Variants in MDGA2 observed in about 807,000 individuals in gnomAD.
The protein encoded by MDGA2 is MAM domain containing glycosylphosphatidylinositol anchor 2.
In MDGA2, 40 loss-of-function variants were observed where a neutral mutation model predicts 117.8. That is an observed-to-expected ratio of 0.34 (90% confidence interval 0.26 to 0.44). The LOEUF (loss-of-function observed/expected upper bound fraction) is 0.44, where lower values mean the gene tolerates loss of function less well. Among genes scored for constraint, MDGA2 ranks in the 20% least tolerant of loss-of-function variants. The probability of loss-of-function intolerance (pLI) is 1.00; values close to 1 mark genes in which losing one functional copy is unlikely to be tolerated. For missense variants in MDGA2, 1,123 were observed against 1,250.6 expected (o/e 0.90, Z 1.54); for synonymous variants, 452 against 439.0 (o/e 1.03, Z -0.37).
At chr14:47,491,617 G>A (rs894266892) in intron 1 of MDGA2, among the ~76,000 whole-genome samples, 4 of 152,062 alleles carry the variant, frequency 2.6e-5, no homozygotes, top group African/African-American at 9.7e-5. Context: ...AGGTGTAGTT[G>A]TTTTGTTTTT....
intron 1 of MDGA2, among the ~76,000 whole-genome samples, chr14:47,548,350 CT>C (rs1420859043): frequency 2.0e-5 from 3 of 152,006 alleles, no homozygotes; most frequent in South Asian, 2.1e-4. Context: ...TTTCTTGCGA[CT>C]TTTTTTCTTT....
intron 9 of MDGA2, among the ~76,000 whole-genome samples, chr14:46,933,080 AG>A (rs1445336878): frequency 6.6e-6 from 1 of 152,084 alleles, no homozygotes; most frequent in Non-Finnish European, 1.5e-5. Context: ...CAGTACTTGT[AG>A]GTGAAAACAT....
chr14:47,631,119 G>A (rs944558125), intron 1 of MDGA2, among the ~76,000 whole-genome samples: 7 of 152,168 alleles, frequency 4.6e-5, no homozygotes, highest in African/African-American at 1.7e-4. Flanking sequence ...GTAATTCCTA[G>A]ATGCTACCTC....
intron 8 of MDGA2, among the ~76,000 whole-genome samples, chr14:46,983,795 G>C (rs1019886413): frequency 1.3e-5 from 2 of 151,970 alleles, no homozygotes; most frequent in East Asian, 1.9e-4. Flanking sequence ...AAACAGATGG[G>C]AGACAGTGAG....
chr14:47,572,545 C>G (rs971290493), intron 1 of MDGA2, among the ~76,000 whole-genome samples: 1 of 152,100 alleles, frequency 6.6e-6, no homozygotes, highest in Non-Finnish European at 1.5e-5. Flanking sequence ...GTGGTATCCC[C>G]TAGGTCAATA....
intron 1 of MDGA2, among the ~76,000 whole-genome samples, chr14:47,578,778 A>G (rs959596809): frequency 1.3e-5 from 2 of 152,166 alleles, no homozygotes; most frequent in African/African-American, 4.8e-5. Context: ...CATGATCTTC[A>G]TAACTATCAT....
rs567839488 is a variant in MDGA2, at chr14:47,324,059, C to T, written c.281-22509G>A. On this transcript the variant is annotated intron_variant, in intron 1 of 16. Coordinates refer to ENST00000399232, the MANE Select transcript of MDGA2 (RefSeq NM_001113498.3). Reference sequence around the variant, plus strand: ...AGGAGACTGAGACCATCCTGGCTAACACAGTGAAACCCTGTCTCCACTAAA... The same window carrying T: ...AGGAGACTGAGACCATCCTGGCTAATACAGTGAAACCCTGTCTCCACTAAA... Among the ~76,000 whole-genome samples, 3 of 151,846 alleles carry T rather than the reference C, an allele frequency of 2.0e-5. No homozygotes were observed. In the South Asian group the frequency reaches 6.2e-4, roughly 32 times the overall value.
At chr14:47,536,678 CTTTTT>C (rs894431541) in intron 1 of MDGA2, among the ~76,000 whole-genome samples, 1 of 151,946 alleles carries the variant, frequency 6.6e-6, no homozygotes, top group Non-Finnish European at 1.5e-5. Context: ...CTACTACTAA[CTTTTT>C]TTTTCCTTTG....
chr14:47,036,638 C>T lies in MDGA2; in HGVS notation c.1526-1334G>A, dbSNP rs567859332. ...ATCCTTCCGATAAATGTTATATGTT[C>T]CCTTTGGAAGTAGTACTGCACATGA... On this transcript the variant is annotated intron_variant, in intron 7 of 16. Coordinates refer to ENST00000399232, the MANE Select transcript of MDGA2 (RefSeq NM_001113498.3). Among the ~76,000 whole-genome samples, 21 of 152,310 alleles carry T rather than the reference C, an allele frequency of 1.4e-4. No homozygotes were observed. The South Asian group carries it at 4.4e-3, about 32-fold the overall frequency.
At chr14:47,047,915 T>C (rs1889321373) in intron 7 of MDGA2, among the ~76,000 whole-genome samples, 1 of 151,976 alleles carries the variant, frequency 6.6e-6, no homozygotes. Flanking sequence ...TTGAAGAAAA[T>C]GACATTTTAG....
intron 1 of MDGA2, among the ~76,000 whole-genome samples, chr14:47,423,914 C>A (rs572676090): frequency 6.6e-6 from 1 of 152,156 alleles, no homozygotes; most frequent in African/African-American, 2.4e-5. Flanking sequence ...CGGGTTCAGG[C>A]GATTCCCCTG....
At chr14:47,407,689 TA>T (rs1282187220) in intron 1 of MDGA2, among the ~76,000 whole-genome samples, 1 of 152,236 alleles carries the variant, frequency 6.6e-6, no homozygotes, top group Non-Finnish European at 1.5e-5. Context: ...ATGTGTTAAT[TA>T]TTTTTTTCTG....
intron 3 of MDGA2, among the ~76,000 whole-genome samples, chr14:47,150,442 T>C (rs1393404145): frequency 6.6e-6 from 1 of 152,128 alleles, no homozygotes; most frequent in African/African-American, 2.4e-5. Context: ...CACTCAGCCT[T>C]TCATTTTTTT....
chr14:47,519,021 T>C (rs536889196), intron 1 of MDGA2, among the ~76,000 whole-genome samples: 2 of 152,040 alleles, frequency 1.3e-5, no homozygotes, highest in East Asian at 3.9e-4. Context: ...CTGGCAAACA[T>C]GGTGAAACCC....
At chr14:47,512,633 CT>C (rs1237754448) in intron 1 of MDGA2, among the ~76,000 whole-genome samples, 2 of 152,098 alleles carry the variant, frequency 1.3e-5, no homozygotes, top group Non-Finnish European at 2.9e-5. Context: ...CTGTGAAATA[CT>C]AATTTAAATC....
rs113248754 is a variant in MDGA2 at position 47,199,529 on chromosome 14, G to A, written c.595+18492C>T. Reference sequence around the variant, plus strand: ...AAAATGTCAGTGCTAGAGTGTACCTGAGAAAAACATCTTCCAACTCACTCA... The same window carrying A: ...AAAATGTCAGTGCTAGAGTGTACCTAAGAAAAACATCTTCCAACTCACTCA... On this transcript the variant is annotated intron_variant, in intron 3 of 16. Coordinates refer to ENST00000399232, the MANE Select transcript of MDGA2 (RefSeq NM_001113498.3). Among the ~76,000 whole-genome samples the A allele has an allele frequency of 8.0e-3, 1,220 of 152,200 alleles. 6 individuals carry two copies. Among genetic ancestry groups the A allele is most frequent in the Non-Finnish European group, 0.013 (867 of 67,976 alleles).
At chr14:47,561,149 TTTTG>T (rs1277244395) in intron 1 of MDGA2, among the ~76,000 whole-genome samples, 4 of 101,524 alleles carry the variant, frequency 3.9e-5, no homozygotes, top group African/African-American at 1.4e-4. Flanking sequence ...TTGTTTTTTT[TTTTG>T]TTTTGTTTTG....
At chr14:47,271,819 T>A (rs1228460350) in intron 2 of MDGA2, among the ~76,000 whole-genome samples, 1 of 152,206 alleles carries the variant, frequency 6.6e-6, no homozygotes, top group Non-Finnish European at 1.5e-5. Context: ...CTTCTGGATT[T>A]CTAAAATAAT....
intron 1 of MDGA2, among the ~76,000 whole-genome samples, chr14:47,378,070 G>A (rs546413989): frequency 6.6e-6 from 1 of 152,298 alleles, no homozygotes; most frequent in Non-Finnish European, 1.5e-5. Flanking sequence ...CTGTTCTGCA[G>A]CCTCTGCTGG....
Sources: gnomAD v4.1 joint callset for allele counts (sites outside exome capture counted in the v4.1 genomes callset) on GRCh38, gnomAD v4.1.1 for gene constraint, MANE v1.5 for transcripts, NCBI Gene and HGNC (gene_info 2026-07-23, HGNC 2026-07-21) for gene names.